The following CDH18 variants were observed in gnomAD, a reference collection of about 807,000 sequenced individuals.
The protein encoded by CDH18 is cadherin-18.
CDH18 carries 31 observed loss-of-function variants against 67.9 expected under a neutral mutation model. The ratio of observed to expected loss-of-function variants is 0.46; its 90% CI spans 0.34 to 0.62. The LOEUF is 0.62. Ranked by LOEUF, CDH18 falls within the 20% of genes least tolerant of loss-of-function variation. The pLI, the probability that CDH18 is intolerant of heterozygous loss-of-function variation, is 0.01. For synonymous variants in CDH18, 362 were observed against 347.2 expected (o/e 1.04, Z -0.48); for missense variants, 890 against 975.5 (o/e 0.91, Z 1.17).
At chr5:19,623,995 A>ATTATTATTATTG (rs1751106579) in intron 5 of CDH18, among the ~76,000 whole-genome samples, 1 of 146,326 alleles carries the variant, frequency 6.8e-6, no homozygotes, top group South Asian at 2.1e-4. Context: ...TATTATTATT[A>ATTATTATTATTG]TTATTATTAT....
At chr5:19,561,787 C>A (rs562583241) in intron 8 of CDH18, among the ~76,000 whole-genome samples, 2 of 152,116 alleles carry the variant, frequency 1.3e-5, no homozygotes, top group South Asian at 4.2e-4. Flanking sequence ...GACCATTCAG[C>A]CTTCAAAGTC....
At chr5:19,663,499 A>T (rs1437861488) in intron 5 of CDH18, among the ~76,000 whole-genome samples, 1 of 151,926 alleles carries the variant, frequency 6.6e-6, no homozygotes, top group African/African-American at 2.4e-5. Context: ...CCTGAAGGCA[A>T]TTTTAAGTTA....
rs572989723 is a variant in CDH18 at position 20,374,271 on chromosome 5, C to A, written c.-579-118766G>T. ...ACCGGCAGAAGAGAGAAAGCAAAGT[C>A]AATGTTGAATGAGATTATTCAGACT... On this transcript the variant is annotated intron_variant, in intron 1 of 14. Coordinates refer to the CDH18 transcript ENST00000507958. Among the ~76,000 whole-genome samples the A allele has an allele frequency of 8.5e-5, 13 of 152,234 alleles. No individual in the cohort carries two copies. The East Asian group carries it at 1.5e-3, about 18-fold the overall frequency.
At chr5:19,643,826 A>C (rs192350200) in intron 5 of CDH18, among the ~76,000 whole-genome samples, 1 of 152,320 alleles carries the variant, frequency 6.6e-6, no homozygotes, top group East Asian at 1.9e-4. Flanking sequence ...ATAGATCTTC[A>C]GTGTTATCAA....
At chr5:20,090,363 C>A (rs1045095553) in intron 2 of CDH18, among the ~76,000 whole-genome samples, 1 of 151,952 alleles carries the variant, frequency 6.6e-6, no homozygotes, top group Non-Finnish European at 1.5e-5. Context: ...AGAGAAACCC[C>A]GTCTCTACCA....
intron 2 of CDH18, among the ~76,000 whole-genome samples, chr5:19,995,534 T>C (rs892801720): frequency 6.6e-6 from 1 of 151,454 alleles, no homozygotes; most frequent in African/African-American, 2.4e-5. Flanking sequence ...GTTGTTTTAC[T>C]GTCTGAACAT....
intron 2 of CDH18, among the ~76,000 whole-genome samples, chr5:20,132,280 T>A (rs115904932): frequency 0.017 from 2,664 of 152,268 alleles, 77 homozygotes; most frequent in African/African-American, 0.06. Context: ...CTTTTACACT[T>A]CCATAATTTT....
chr5:19,505,521 G>T (rs962887269), intron 10 of CDH18, among the ~76,000 whole-genome samples: 1 of 152,050 alleles, frequency 6.6e-6, no homozygotes, highest in African/African-American at 2.4e-5. Flanking sequence ...AGAGTTTTTA[G>T]CATGAAGCAT....
At chr5:20,483,989 G>C (rs1169674610) in intron 1 of CDH18, among the ~76,000 whole-genome samples, 1 of 151,830 alleles carries the variant, frequency 6.6e-6, no homozygotes, top group Non-Finnish European at 1.5e-5. Flanking sequence ...ACAAAGTGAA[G>C]AGACAATCCA....
intron 3 of CDH18, among the ~76,000 whole-genome samples, chr5:19,814,081 T>G (rs1779030135): frequency 6.6e-6 from 1 of 151,810 alleles, no homozygotes; most frequent in South Asian, 2.1e-4. Context: ...AAAATAAATT[T>G]AATATGGGAG....
intron 2 of CDH18, among the ~76,000 whole-genome samples, chr5:19,871,463 G>A (rs533713033): frequency 1.3e-5 from 2 of 152,162 alleles, no homozygotes; most frequent in South Asian, 2.1e-4. Flanking sequence ...AAAGCAAAGC[G>A]AAATGAAATA....
At chr5:19,851,642 T>C (rs192473579) in intron 2 of CDH18, among the ~76,000 whole-genome samples, 75 of 152,082 alleles carry the variant, frequency 4.9e-4, no homozygotes, top group South Asian at 8.3e-4. Context: ...ATGCATTTTA[T>C]GTCTCTTGTA....
chr5:19,505,942 T>C (rs1016345719), intron 10 of CDH18, among the ~76,000 whole-genome samples: 11 of 152,184 alleles, frequency 7.2e-5, no homozygotes, highest in African/African-American at 2.7e-4. Flanking sequence ...TGAATCCATC[T>C]AGTCCTGGAC....
rs914328876 is a variant in CDH18, at chr5:20,420,560, C to G, written c.-580+154902G>C. Among the ~76,000 whole-genome samples, 4 of 151,156 alleles carry G rather than the reference C, an allele frequency of 2.6e-5. No homozygotes were observed. In the East Asian group the frequency reaches 5.8e-4, roughly 22 times the overall value. On this transcript the variant is annotated intron_variant, in intron 1 of 14. Coordinates refer to the CDH18 transcript ENST00000507958. ...TAAATACTTGTGAAATAAAATGACTCTAAGTTACAACAGTTCCCCAGTAAA... is the reference window on the plus strand; with the variant it reads ...TAAATACTTGTGAAATAAAATGACTGTAAGTTACAACAGTTCCCCAGTAAA...
intron 2 of CDH18, among the ~76,000 whole-genome samples, chr5:20,244,328 T>A (rs536110189): frequency 6.6e-6 from 1 of 152,248 alleles, no homozygotes; most frequent in African/African-American, 2.4e-5. Flanking sequence ...TTCAAAAAAC[T>A]ATTTCTGACA....
At chr5:20,184,154 T>C (rs1381291734) in intron 2 of CDH18, among the ~76,000 whole-genome samples, 1 of 152,026 alleles carries the variant, frequency 6.6e-6, no homozygotes, top group African/African-American at 2.4e-5. Flanking sequence ...GACATAAATC[T>C]TCAAAAATCA....
rs574642207 is a variant in CDH18, at chr5:20,332,757, C to T, written c.-579-77252G>A. ...TACATTTCATAAAAACTTATAAAAACAAGATAATTATTTACCCAATTGTGC... is the reference window on the plus strand; with the variant it reads ...TACATTTCATAAAAACTTATAAAAATAAGATAATTATTTACCCAATTGTGC... On this transcript the variant is annotated intron_variant, in intron 1 of 14. Transcript: ENST00000507958. Among the ~76,000 whole-genome samples the T allele has an allele frequency of 3.9e-5, 6 of 152,016 alleles. No homozygotes were observed. In the East Asian group the frequency reaches 5.8e-4, roughly 15 times the overall value.
At chr5:20,215,414 G>A (rs1183512045) in intron 2 of CDH18, among the ~76,000 whole-genome samples, 1 of 150,490 alleles carries the variant, frequency 6.6e-6, no homozygotes, top group East Asian at 2.0e-4. Flanking sequence ...CAAATAATTT[G>A]TGAAGCTCTT....
intron 2 of CDH18, among the ~76,000 whole-genome samples, chr5:20,190,580 T>C (rs1353889126): frequency 6.6e-6 from 1 of 152,096 alleles, no homozygotes; most frequent in African/African-American, 2.4e-5. Context: ...CTGGCTCAGT[T>C]AATGCCATTT....
Sources: allele counts gnomAD v4.1 joint callset (sites outside exome capture counted in the v4.1 genomes callset), GRCh38; gene constraint gnomAD v4.1.1; transcripts MANE v1.5; gene names NCBI Gene and HGNC (gene_info 2026-07-23, HGNC 2026-07-21).